The following ZNF704 variants were observed in gnomAD, a reference collection of about 807,000 sequenced individuals.
The protein encoded by ZNF704 is glucocorticoid induced gene 1.
In ZNF704, 10 loss-of-function variants were observed where a neutral mutation model predicts 44.7. The observed-to-expected ratio is 0.22, with a 90% CI of 0.14 to 0.38. The LOEUF is 0.38. ZNF704 is among the 10% of genes least tolerant of loss of function. The pLI is 1.00. For synonymous variants in ZNF704, 211 were observed against 207.6 expected (o/e 1.02, Z -0.14); for missense variants, 390 against 545.5 (o/e 0.71, Z 2.84).
chr8:80,823,309 A>G (rs1009831926), intron 1 of ZNF704, among the ~76,000 whole-genome samples: 4 of 152,234 alleles, frequency 2.6e-5, no homozygotes, highest in African/African-American at 9.6e-5. Flanking sequence ...ACACCCACGA[A>G]GTCTTGCTCA....
At position 80,641,462 on chromosome 8, in the gene ZNF704, C is replaced by T; in HGVS notation, c.1143G>A (p.Glu381=). The stretch of plus-strand genomic sequence containing the variant: ...CGTACACCTTCCGACACTTTTTGCC[C>T]TCTCCCCTGGGCTTCCTGTAAGACA... ...GTVSLRKPRG[E]GKKCRKVYGM... is the part of the protein sequence containing the mutation. The change falls in exon 9 of 9, where the codon GAG becomes GAA. Residue 381 remains glutamate, a synonymous_variant. Transcript: ENST00000327835. 2 of 1,613,018 alleles carry T rather than the reference C, an allele frequency of 1.2e-6. No individual in the cohort carries two copies. Among genetic ancestry groups the T allele is most frequent in the Non-Finnish European group, 1.7e-6 (2 of 1,179,470 alleles).
intron 4 of ZNF704, among the ~76,000 whole-genome samples, chr8:80,675,286 CAGAA>C (rs1242638244): frequency 1.3e-5 from 2 of 152,048 alleles, no homozygotes; most frequent in Admixed American, 1.3e-4. Flanking sequence ...TCTTGGAGGC[CAGAA>C]AGAATGACGG....
chr8:80,707,090 C>T (rs1440598532), intron 2 of ZNF704, among the ~76,000 whole-genome samples: 1 of 152,164 alleles, frequency 6.6e-6, no homozygotes, highest in Non-Finnish European at 1.5e-5. Context: ...ATGTCACTCC[C>T]CCATTTTATA....
rs879338644 is a variant in ZNF704 at position 80,630,148 on chromosome 8, C to A, written c.*11218G>T. 6.6e-6 allele frequency: 1 copy of A among 152,082 alleles called. No homozygotes were observed. Among genetic ancestry groups the A allele is most frequent in the African/African-American group, 2.4e-5 (1 of 41,412 alleles). 9.4% of individuals were successfully genotyped at this position (152,082 alleles called of 1,614,324 possible). ...GCTATGAAAAAAATTTACTTGGATTCGATACAAAATACATGCTACTCTTTG... is the reference window on the plus strand; with the variant it reads ...GCTATGAAAAAAATTTACTTGGATTAGATACAAAATACATGCTACTCTTTG... On this transcript the variant is annotated 3_prime_UTR_variant, in exon 9 of 9. Transcript: ENST00000327835.
intron 2 of ZNF704, among the ~76,000 whole-genome samples, chr8:80,805,034 G>T (rs1807966507): frequency 6.6e-6 from 1 of 152,040 alleles, no homozygotes; most frequent in Non-Finnish European, 1.5e-5. Context: ...CTTTTAGAAT[G>T]CTACTCAAAT....
chr8:80,734,445 A>G (rs1806632405), intron 2 of ZNF704, among the ~76,000 whole-genome samples: 1 of 152,230 alleles, frequency 6.6e-6, no homozygotes, highest in Non-Finnish European at 1.5e-5. Flanking sequence ...AAGTACTATG[A>G]CTATCCATAA....
intron 2 of ZNF704, among the ~76,000 whole-genome samples, chr8:80,731,999 TCAAA>T (rs1239246919): frequency 1.3e-5 from 2 of 152,334 alleles, no homozygotes; most frequent in Non-Finnish European, 2.9e-5. Flanking sequence ...GATAATGTCT[TCAAA>T]CAGAGGCTAA....
chr8:80,751,030 A>T (rs1806933824), intron 2 of ZNF704, among the ~76,000 whole-genome samples: 2 of 152,222 alleles, frequency 1.3e-5, no homozygotes, highest in Non-Finnish European at 2.9e-5. Context: ...TGTGTGGGAA[A>T]ATGTTTATTC....
chr8:80,721,590 T>C (rs892012080), intron 2 of ZNF704, among the ~76,000 whole-genome samples: 3 of 152,230 alleles, frequency 2.0e-5, no homozygotes, highest in Non-Finnish European at 4.4e-5. Flanking sequence ...TTTCAATTGG[T>C]TGAAAATCTG....
rs564350641 is a variant in ZNF704, at chr8:80,860,299, G to C, written c.-22+14272C>G. ...TCAGTGTGTACCTACCTCATTGACCGCTGTGTCTGTGTTGAAATGGGGCAA... is the reference window on the plus strand; with the variant it reads ...TCAGTGTGTACCTACCTCATTGACCCCTGTGTCTGTGTTGAAATGGGGCAA... On this transcript the variant is annotated intron_variant, in intron 1 of 8. Transcript: ENST00000327835. 5.6e-4 allele frequency among the ~76,000 whole-genome samples: 85 copies of C among 152,288 alleles called. 1 individual carries two copies. In the South Asian group the frequency reaches 0.016, roughly 28 times the overall value.
Position 80,693,126 on chromosome 8 carries a change from CACTGGTGACTGT to C in ZNF704, c.222-31_222-20del, listed in dbSNP as rs780384969. 31 of 1,602,042 alleles carry C rather than the reference CACTGGTGACTGT, an allele frequency of 1.9e-5. No individual in the cohort carries two copies. The highest frequency in any genetic ancestry group is 2.5e-5 in the Non-Finnish European group (29 of 1,169,090). On this transcript the variant is annotated intron_variant, in intron 2 of 8. Transcript: ENST00000327835. ...AGATTTCCTGTAAAACAGGAAGGGA[CACTGGTGACTGT>C]TCACTCTGCATCTGCTGTGGGCCAC...
Position 80,851,164 on chromosome 8 carries a change from G to T in ZNF704, c.-22+23407C>A, listed in dbSNP as rs148268721. ...TGGTAAGAAATACAGTGTTTGTGGC[G>T]ATTCCTCAGGGAACTAGAACTAGAA... On this transcript the variant is annotated intron_variant, in intron 1 of 8. Transcript: ENST00000327835. Among the ~76,000 whole-genome samples, 567 of 152,158 alleles carry T rather than the reference G, an allele frequency of 3.7e-3. 3 individuals carry two copies. The highest frequency in any genetic ancestry group is 0.013 in the African/African-American group (546 of 41,494).
intron 4 of ZNF704, among the ~76,000 whole-genome samples, chr8:80,680,911 G>A (rs114772773): frequency 0.01 from 1,571 of 152,310 alleles, 30 homozygotes; most frequent in African/African-American, 0.035. Context: ...TATAGATGCT[G>A]TGGTGATACG....
At chr8:80,673,865 C>G (rs982770922) in intron 4 of ZNF704, among the ~76,000 whole-genome samples, 2 of 152,236 alleles carry the variant, frequency 1.3e-5, no homozygotes, top group Non-Finnish European at 1.5e-5. Flanking sequence ...GCCCACTGTT[C>G]ACATGGGCTT....
At chr8:80,684,308 C>A (rs1301134721) in intron 4 of ZNF704, among the ~76,000 whole-genome samples, 1 of 152,188 alleles carries the variant, frequency 6.6e-6, no homozygotes, top group Non-Finnish European at 1.5e-5. Flanking sequence ...ACAGCACATA[C>A]ACATATGTAT....
At chr8:80,810,920 A>G (rs951051528) in intron 2 of ZNF704, among the ~76,000 whole-genome samples, 26 of 151,938 alleles carry the variant, frequency 1.7e-4, no homozygotes, top group African/African-American at 6.0e-4. Flanking sequence ...CGCCACCCCA[A>G]CCCTCAACAA....
chr8:80,847,034 G>A (rs552231522), intron 1 of ZNF704, among the ~76,000 whole-genome samples: 15 of 152,174 alleles, frequency 9.9e-5, no homozygotes, highest in Admixed American at 7.2e-4. Context: ...TTAGCCAGGT[G>A]TGGTGACGCA....
chr8:80,728,960 CTTTT>C (rs996207289), intron 2 of ZNF704, among the ~76,000 whole-genome samples: 2 of 152,038 alleles, frequency 1.3e-5, no homozygotes, highest in African/African-American at 2.4e-5. Context: ...TTGATTCATT[CTTTT>C]TTTCTTTGCA....
chr8:80,660,751 A>T (rs1180808397), intron 6 of ZNF704, among the ~76,000 whole-genome samples: 1 of 152,116 alleles, frequency 6.6e-6, no homozygotes, highest in African/African-American at 2.4e-5. Flanking sequence ...GAAACATGAA[A>T]CTAGACCCCT....
Sources: gnomAD v4.1 joint callset for allele counts (sites outside exome capture counted in the v4.1 genomes callset) on GRCh38, gnomAD v4.1.1 for gene constraint, MANE v1.5 for transcripts, NCBI Gene and HGNC (gene_info 2026-07-23, HGNC 2026-07-21) for gene names.